PTPN3: variants seen among roughly 807,000 people sequenced by gnomAD.
The protein encoded by PTPN3 is protein tyrosine phosphatase non-receptor type 3.
Under a neutral mutation model 132.7 loss-of-function variants are expected in PTPN3, and 96 were observed. The observed-to-expected ratio is 0.72, with a 90% CI of 0.61 to 0.86. The LOEUF (loss-of-function observed/expected upper bound fraction) is 0.86, where lower values mean the gene tolerates loss of function less well. PTPN3 is among the 40% of genes least tolerant of loss of function. The pLI is 0.00. For missense variants in PTPN3, 1,125 were observed against 1,159.6 expected, an observed-to-expected ratio of 0.97 and a Z score of 0.43; for synonymous variants, 398 against 429.0, an observed-to-expected ratio of 0.93 and a Z score of 0.89.
chr9:109,475,677 C>T (rs774510941), intron 1 of PTPN3, among the ~76,000 whole-genome samples: 23 of 152,304 alleles, frequency 1.5e-4, no homozygotes, highest in Admixed American at 4.6e-4. Context: ...GGGTGTCAGT[C>T]CACGATATTT....
chr9:109,410,681 C>T (rs986567602), intron 14 of PTPN3, among the ~76,000 whole-genome samples: 2 of 152,144 alleles, frequency 1.3e-5, no homozygotes, highest in Non-Finnish European at 2.9e-5. Context: ...CTCCCTTCCC[C>T]GCTGCTTTAG....
At position 109,498,153 on chromosome 9, in the gene PTPN3, C is replaced by G. The variant is rs1011377870; in HGVS notation, c.-18+66G>C. 2.1e-5 allele frequency: 3 copies of G among 146,102 alleles called. No individual in the cohort carries two copies. Among genetic ancestry groups the G allele is most frequent in the African/African-American group, 7.4e-5 (3 of 40,780 alleles). The allele number at this position is 146,102 out of a possible 1,614,324, so 9.1% of individuals were successfully genotyped here. A position where few individuals can be genotyped will look rare whatever the true frequency, so the allele number is the denominator to read the frequency against. On this transcript the variant is annotated intron_variant, in intron 1 of 25. Coordinates refer to ENST00000374541, the MANE Select transcript of PTPN3 (RefSeq NM_002829.4). The surrounding 1 kb of genome is among the most constrained non-coding windows in gnomAD (Gnocchi z 4.2). Reference sequence around the variant, plus strand: ...CGGGTGGGGGCGGGGTGGCGCCGAGCGCGACCCCGGCCCCCGGCAGCCCCG... The same window carrying G: ...CGGGTGGGGGCGGGGTGGCGCCGAGGGCGACCCCGGCCCCCGGCAGCCCCG...
At position 109,404,576 on chromosome 9, in the gene PTPN3, C is replaced by A; in HGVS notation, c.1825G>T (p.Asp609Tyr). Residue 609 changes from aspartate (D) to tyrosine (Y), a missense_variant, in exon 19 of 26, where the codon GAT (aspartate) becomes TAT (tyrosine). Transcript: ENST00000374541. ...VRSFADFKSE[D>Y]ELNQLFPEAI... ...TCGGGGAAAAGCTGGTTCAGTTCAT[C>A]TTCAGACTTGAAGTCAGCAAATGAG... 1 of 1,558,114 alleles carries A rather than the reference C, an allele frequency of 6.4e-7. No individual in the cohort carries two copies. Among genetic ancestry groups the A allele is most frequent in the Non-Finnish European group, 8.7e-7 (1 of 1,142,918 alleles).
At chr9:109,459,307 C>G (rs2132036334) in intron 2 of PTPN3, among the ~76,000 whole-genome samples, 1 of 152,370 alleles carries the variant, frequency 6.6e-6, no homozygotes, top group South Asian at 2.1e-4. Context: ...TCCCTGACAT[C>G]TGCTCCTGGT....
chr9:109,409,939 A>T, intron 16 of PTPN3, 60 bp downstream of exon 16: 1 of 1,583,168 alleles, frequency 6.3e-7, no homozygotes, highest in Admixed American at 1.8e-5. Flanking sequence ...AATGCAAATT[A>T]AAAACTCATT....
chr9:109,463,511 T>C, intron 1 of PTPN3, 60 bp from the exon 2 acceptor site: 2 of 1,475,536 alleles, frequency 1.4e-6, no homozygotes, highest in South Asian at 2.6e-5. Context: ...TACTTGTGAG[T>C]GCAGATACCT....
At chr9:109,428,445 G>A (rs1273832202) in intron 11 of PTPN3, among the ~76,000 whole-genome samples, 176 bp downstream of exon 11, 1 of 152,168 alleles carries the variant, frequency 6.6e-6, no homozygotes, top group Non-Finnish European at 1.5e-5. Flanking sequence ...AAAAGCTGAA[G>A]TAACTTAAAA....
chr9:109,416,330 TCCATTGCTCGCAGGGCTCTC>T (rs1842481663), intron 14 of PTPN3, among the ~76,000 whole-genome samples: 1 of 152,142 alleles, frequency 6.6e-6, no homozygotes, highest in African/African-American at 2.4e-5. Flanking sequence ...TAGGGGACTC[TCCATTGCTCGCAGGGCTCTC>T]AGGGCTGGGG....
chr9:109,422,694 A>C (rs758130486), intron 13 of PTPN3, 24 bp downstream of exon 13: 1 of 875,006 alleles, frequency 1.1e-6, no homozygotes. Flanking sequence ...GGGTAGTACA[A>C]AAAAAAAAAA....
At chr9:109,463,103 G>T (rs187207514) in intron 2 of PTPN3, among the ~76,000 whole-genome samples, 194 bp downstream of exon 2, 55 of 151,532 alleles carry the variant, frequency 3.6e-4, no homozygotes, top group Non-Finnish European at 5.7e-4. Context: ...AGGGCGGGGG[G>T]AAGACCCTCA....
chr9:109,454,814 C>A (rs759922548), intron 4 of PTPN3, among the ~76,000 whole-genome samples: 1 of 152,182 alleles, frequency 6.6e-6, no homozygotes, highest in African/African-American at 2.4e-5. Context: ...TCCTAGCACA[C>A]GTTTATCTTA....
the PTPN3 span, among the ~76,000 whole-genome samples, chr9:109,530,958 T>C: frequency 6.6e-6 from 1 of 152,250 alleles, no homozygotes; most frequent in Admixed American, 6.5e-5. Context: ...CTATAAATTC[T>C]GGATATTAAT....
intron 20 of PTPN3, 105 bp from the exon 21 acceptor site, chr9:109,391,304 G>C: frequency 7.8e-7 from 1 of 1,283,278 alleles, no homozygotes. Flanking sequence ...TGCCTCATTA[G>C]CATAAACACT....
chr9:109,425,191 A>G (rs180785643), intron 12 of PTPN3, among the ~76,000 whole-genome samples: 4 of 152,336 alleles, frequency 2.6e-5, no homozygotes, highest in African/African-American at 7.2e-5. Flanking sequence ...AAGCTGAGAG[A>G]TAGCATTTAG....
Position 109,406,446 on chromosome 9 carries a change from C to T in PTPN3, c.1792+16G>A. Reference sequence around the variant, plus strand: ...GGACAGCTTCCCTATGGCTCCTCCCCCCAGGTGGCCATTACCTCTCCTCCT... The same window carrying T: ...GGACAGCTTCCCTATGGCTCCTCCCTCCAGGTGGCCATTACCTCTCCTCCT... On this transcript the variant is annotated intron_variant, in intron 18 of 25. Coordinates refer to ENST00000374541, the MANE Select transcript of PTPN3 (RefSeq NM_002829.4). 2 of 1,611,116 alleles carry T rather than the reference C, an allele frequency of 1.2e-6. No individual in the cohort carries two copies. Among genetic ancestry groups the T allele is most frequent in the South Asian group, 1.1e-5 (1 of 90,882 alleles).
At chr9:109,497,460 T>G (rs1263606487) in intron 1 of PTPN3, among the ~76,000 whole-genome samples, 2 of 152,128 alleles carry the variant, frequency 1.3e-5, no homozygotes, top group Non-Finnish European at 1.5e-5. Flanking sequence ...GGAGCCCAAC[T>G]TGAACGGAGG....
At chr9:109,398,589 A>G (rs1840787545) in intron 19 of PTPN3, among the ~76,000 whole-genome samples, 1 of 152,212 alleles carries the variant, frequency 6.6e-6, no homozygotes, top group African/African-American at 2.4e-5. Flanking sequence ...GGTCTTTTGT[A>G]GCCACTGCTG....
At chr9:109,525,582 C>A in the PTPN3 span, among the ~76,000 whole-genome samples, 1 of 152,194 alleles carries the variant, frequency 6.6e-6, no homozygotes, top group Non-Finnish European at 1.5e-5. Flanking sequence ...GTTTTATGTG[C>A]AACCAGGATT....
chr9:109,472,518 G>C (rs1382372723), intron 1 of PTPN3, among the ~76,000 whole-genome samples: 1 of 152,092 alleles, frequency 6.6e-6, no homozygotes, highest in Non-Finnish European at 1.5e-5. Flanking sequence ...AGTCATTTCA[G>C]TTTTCATTTG....
Sources: gnomAD v4.1 joint callset for allele counts (sites outside exome capture counted in the v4.1 genomes callset) on GRCh38, gnomAD v4.1.1 for gene constraint, Gnocchi (gnomAD v3.1) non-coding constraint, MANE v1.5 for transcripts, NCBI Gene and HGNC (gene_info 2026-07-23, HGNC 2026-07-21) for gene names.